The following PTPRT variants were observed in gnomAD, a reference collection of about 807,000 sequenced individuals.
PTPRT encodes protein tyrosine phosphatase receptor type T.
A neutral mutation model predicts 176.8 loss-of-function variants in PTPRT; 56 were observed. The ratio of observed to expected loss-of-function variants is 0.32; its 90% CI spans 0.26 to 0.40. The LOEUF (loss-of-function observed/expected upper bound fraction) is 0.40. Among genes scored for constraint, PTPRT ranks in the 10% least tolerant of loss-of-function variants. The pLI is 1.00. For synonymous variants in PTPRT, 783 were observed against 739.0 expected (o/e 1.06, Z -0.96); for missense variants, 1,540 against 1,908.2 (o/e 0.81, Z 3.60).
intron 6 of PTPRT, among the ~76,000 whole-genome samples, chr20:42,728,858 C>T (rs1260410540): frequency 6.6e-6 from 1 of 152,196 alleles, no homozygotes; most frequent in Non-Finnish European, 1.5e-5. Flanking sequence ...TTTAACTTCA[C>T]ATCCTAGCCA....
chr20:43,028,609 A>G (rs556749914), intron 1 of PTPRT, among the ~76,000 whole-genome samples: 3 of 152,270 alleles, frequency 2.0e-5, no homozygotes, highest in African/African-American at 7.2e-5. Context: ...GTCACAAAGC[A>G]TCTCTAGAAG....
intron 16 of PTPRT, among the ~76,000 whole-genome samples, chr20:42,171,507 C>A (rs957301492): frequency 2.0e-5 from 3 of 152,082 alleles, no homozygotes; most frequent in Non-Finnish European, 4.4e-5. Flanking sequence ...AATGGATATT[C>A]AATGTGTACT....
intron 1 of PTPRT, among the ~76,000 whole-genome samples, chr20:43,046,234 C>T (rs556765044): frequency 6.6e-4 from 100 of 152,090 alleles, no homozygotes; most frequent in African/African-American, 2.3e-3. Flanking sequence ...CACTCAGGGA[C>T]CCAGACTAAT....
At chr20:42,280,187 G>A (rs138062341) in intron 13 of PTPRT, among the ~76,000 whole-genome samples, 74 of 152,220 alleles carry the variant, frequency 4.9e-4, no homozygotes, top group African/African-American at 1.7e-3. Context: ...AACTCCTCAC[G>A]GGCAGTGGAC....
chr20:42,796,840 G>A (rs781237861), intron 2 of PTPRT, among the ~76,000 whole-genome samples: 1 of 152,118 alleles, frequency 6.6e-6, no homozygotes, highest in Non-Finnish European at 1.5e-5. Context: ...GGATAAACTG[G>A]AACCCAAGAT....
chr20:42,413,888 TCA>T (rs2145745636), intron 9 of PTPRT, among the ~76,000 whole-genome samples: 1 of 152,318 alleles, frequency 6.6e-6, no homozygotes, highest in South Asian at 2.1e-4. Context: ...TCTTGCTCTG[TCA>T]CCCAGGTTGG....
At chr20:42,049,423 CAT>C in the PTPRT span, among the ~76,000 whole-genome samples, 1 of 152,172 alleles carries the variant, frequency 6.6e-6, no homozygotes, top group African/African-American at 2.4e-5. Context: ...TAATTAAAAT[CAT>C]AAAAACCTTC....
chr20:43,039,389 C>T (rs1986515515), intron 1 of PTPRT, among the ~76,000 whole-genome samples: 1 of 151,122 alleles, frequency 6.6e-6, no homozygotes, highest in African/African-American at 2.4e-5. Context: ...TATCTCACTC[C>T]TTACACCAAA....
intron 21 of PTPRT, among the ~76,000 whole-genome samples, chr20:42,117,708 C>T (rs1259562337): frequency 6.6e-6 from 1 of 152,106 alleles, no homozygotes; most frequent in African/African-American, 2.4e-5. Context: ...AGGAGCTACG[C>T]TGCGGTGGGT....
At chr20:42,761,035 G>A (rs183316651) in intron 5 of PTPRT, among the ~76,000 whole-genome samples, 9 of 152,334 alleles carry the variant, frequency 5.9e-5, no homozygotes, top group Admixed American at 1.3e-4. Flanking sequence ...AGGAAAACAG[G>A]TCTGGCATGG....
chr20:42,871,981 C>A (rs1265789384), intron 2 of PTPRT, among the ~76,000 whole-genome samples: 1 of 152,186 alleles, frequency 6.6e-6, no homozygotes, highest in Non-Finnish European at 1.5e-5. Context: ...TCTCAGAGTT[C>A]TTAAAAGACA....
At chr20:42,529,176 A>G (rs530459269) in intron 7 of PTPRT, among the ~76,000 whole-genome samples, 1 of 152,336 alleles carries the variant, frequency 6.6e-6, no homozygotes, top group African/African-American at 2.4e-5. Flanking sequence ...CGCATGGTGC[A>G]TAGGACTTCG....
chr20:42,990,262 G>A (rs1448641694), intron 1 of PTPRT, among the ~76,000 whole-genome samples: 4 of 151,936 alleles, frequency 2.6e-5, no homozygotes, highest in Non-Finnish European at 5.9e-5. Flanking sequence ...AAAATCTATT[G>A]GAAAAATATT....
At chr20:42,942,177 T>C (rs528060198) in intron 1 of PTPRT, among the ~76,000 whole-genome samples, 1 of 152,256 alleles carries the variant, frequency 6.6e-6, no homozygotes, top group South Asian at 2.1e-4. Context: ...CAAAATATCA[T>C]GCAGTATCTG....
At chr20:42,789,585 T>C (rs1461137357) in intron 3 of PTPRT, among the ~76,000 whole-genome samples, 1 of 152,182 alleles carries the variant, frequency 6.6e-6, no homozygotes, top group South Asian at 2.1e-4. Flanking sequence ...GCCTGGAACA[T>C]GATAAACACC....
intron 6 of PTPRT, among the ~76,000 whole-genome samples, chr20:42,718,274 A>T (rs2076255003): frequency 1.3e-5 from 2 of 152,240 alleles, no homozygotes; most frequent in South Asian, 4.1e-4. Context: ...ACGGTGGCTC[A>T]CGCCTGTAAT....
intron 1 of PTPRT, among the ~76,000 whole-genome samples, chr20:43,041,287 T>C (rs1986595390): frequency 6.6e-6 from 1 of 152,272 alleles, no homozygotes; most frequent in Non-Finnish European, 1.5e-5. Flanking sequence ...AATGTATTGC[T>C]TGTGTGGTAT....
chr20:42,822,999 G>A (rs6030496), intron 2 of PTPRT, among the ~76,000 whole-genome samples: 17,784 of 152,054 alleles, frequency 0.12, 1,263 homozygotes, highest in East Asian at 0.34. Context: ...AGGATCTAGA[G>A]CCAGAAATAC....
chr20:43,187,321 A>G (rs2015418506), intron 1 of PTPRT, among the ~76,000 whole-genome samples: 1 of 152,192 alleles, frequency 6.6e-6, no homozygotes, highest in Non-Finnish European at 1.5e-5. Context: ...TAAATAAAAT[A>G]CTTTAAAGGA....
Sources: allele counts gnomAD v4.1 joint callset (sites outside exome capture counted in the v4.1 genomes callset), GRCh38; gene constraint gnomAD v4.1.1; transcripts MANE v1.5; gene names NCBI Gene and HGNC (gene_info 2026-07-23, HGNC 2026-07-21).